Variants in NT5DC1 observed in about 807,000 individuals in gnomAD.
The protein encoded by NT5DC1 is 5'-nucleotidase domain-containing protein 1.
NT5DC1 carries 42 observed loss-of-function variants against 59.4 expected under a neutral mutation model. That is an observed-to-expected ratio of 0.71 (90% confidence interval 0.55 to 0.92). The LOEUF (loss-of-function observed/expected upper bound fraction) is 0.92, where lower values mean the gene tolerates loss of function less well. NT5DC1 is among the 40% of genes least tolerant of loss of function. The pLI, the probability that NT5DC1 is intolerant of heterozygous loss-of-function variation, is 0.00. For synonymous variants in NT5DC1, 172 were observed against 188.1 expected (o/e 0.91, Z 0.70); for missense variants, 501 against 537.1 (o/e 0.93, Z 0.66).
intron 3 of NT5DC1, among the ~76,000 whole-genome samples, chr6:116,110,549 A>G (rs1778853916): frequency 6.6e-6 from 1 of 152,122 alleles, no homozygotes; most frequent in Non-Finnish European, 1.5e-5. Flanking sequence ...AGGTATGTTC[A>G]TCTTATTTGT....
intron 6 of NT5DC1, among the ~76,000 whole-genome samples, chr6:116,183,129 G>A (rs893808305): frequency 6.6e-6 from 1 of 152,050 alleles, no homozygotes; most frequent in Non-Finnish European, 1.5e-5. Flanking sequence ...GTTGAATAGG[G>A]TATCCTTTCT....
chr6:116,106,034 G>A (rs1459179929), intron 1 of NT5DC1, among the ~76,000 whole-genome samples: 4 of 152,208 alleles, frequency 2.6e-5, no homozygotes, highest in African/African-American at 7.2e-5. Context: ...TATGCTGACG[G>A]TATAATTTTG....
At chr6:116,234,027 A>C (rs936988776) in intron 8 of NT5DC1, among the ~76,000 whole-genome samples, 1 of 125,956 alleles carries the variant, frequency 7.9e-6, no homozygotes, top group Non-Finnish European at 1.6e-5. Flanking sequence ...ATCCAGGCTG[A>C]AGTCCAGTCT....
chr6:116,153,323 A>G (rs75136961), intron 6 of NT5DC1, among the ~76,000 whole-genome samples: 3,963 of 133,490 alleles, frequency 0.03, 157 homozygotes, highest in African/African-American at 0.11. Flanking sequence ...GACTGCCCAT[A>G]AACATCAGCT....
At position 116,132,825 on chromosome 6, in the gene NT5DC1, C is replaced by T. The variant is rs79887775; in HGVS notation, c.529+14880C>T. Among the ~76,000 whole-genome samples the T allele has an allele frequency of 5.5e-3, 830 of 152,162 alleles. 10 individuals carry two copies. The highest frequency in any genetic ancestry group is 0.017 in the African/African-American group (700 of 41,512). On this transcript the variant is annotated intron_variant, in intron 6 of 11. Coordinates refer to ENST00000319550, the MANE Select transcript of NT5DC1 (RefSeq NM_152729.3). ...AGTGCCGAGAAGTTTAGTCAGGGCA[C>T]CTTCCACCACCACCTTGCTGTACCT...
intron 6 of NT5DC1, among the ~76,000 whole-genome samples, chr6:116,166,021 G>T (rs1444709126): frequency 2.0e-5 from 3 of 152,072 alleles, no homozygotes; most frequent in Admixed American, 6.6e-5. Flanking sequence ...TCCTAAATCC[G>T]CACTGACAGC....
At chr6:116,149,999 C>G (rs1779997190) in intron 6 of NT5DC1, among the ~76,000 whole-genome samples, 1 of 152,194 alleles carries the variant, frequency 6.6e-6, no homozygotes, top group Admixed American at 6.5e-5. Flanking sequence ...CCTTTGACAT[C>G]TGCCCCCCAA....
intron 6 of NT5DC1, chr6:116,125,715 T>G: frequency 2.5e-6 from 1 of 398,726 alleles, no homozygotes; most frequent in Non-Finnish European, 4.5e-6. Context: ...ACTCAGGTAA[T>G]CAAGTGAAAA....
At position 116,109,638 on chromosome 6, in the gene NT5DC1, C is replaced by T. The variant is rs1029513660; in HGVS notation, c.257+1203C>T. Among the ~76,000 whole-genome samples the T allele has an allele frequency of 2.6e-5, 4 of 152,278 alleles. No individual in the cohort carries two copies. The South Asian group carries it at 8.3e-4, about 32-fold the overall frequency. ...TACCTCCTTGATGCTTTCTTTCAAC[C>T]AGTGTAGTAGATTCCTTTTCTGATC... On this transcript the variant is annotated intron_variant, in intron 3 of 11. Coordinates refer to ENST00000319550, the MANE Select transcript of NT5DC1 (RefSeq NM_152729.3).
At chr6:116,149,056 A>G (rs534371577) in intron 6 of NT5DC1, among the ~76,000 whole-genome samples, 2 of 152,168 alleles carry the variant, frequency 1.3e-5, no homozygotes, top group East Asian at 3.9e-4. Flanking sequence ...TGTTTTTTAA[A>G]TTTTCTTTCT....
chr6:116,101,256 G>T (rs1463146171), intron 1 of NT5DC1, among the ~76,000 whole-genome samples: 1 of 152,164 alleles, frequency 6.6e-6, no homozygotes, highest in African/African-American at 2.4e-5. Flanking sequence ...TGTTGAGAGG[G>T]ATAGGGAAGA....
At chr6:116,201,405 T>G (rs879441612) in intron 6 of NT5DC1, among the ~76,000 whole-genome samples, 2 of 151,964 alleles carry the variant, frequency 1.3e-5, no homozygotes, top group Admixed American at 1.3e-4. Flanking sequence ...GAAATTGAAT[T>G]TAGAATCACT....
At chr6:116,148,605 AT>A (rs1779955204) in intron 6 of NT5DC1, among the ~76,000 whole-genome samples, 2 of 152,128 alleles carry the variant, frequency 1.3e-5, no homozygotes, top group South Asian at 4.1e-4. Flanking sequence ...TATTATATGT[AT>A]TTTTTTAGAA....
intron 6 of NT5DC1, among the ~76,000 whole-genome samples, chr6:116,129,865 G>T (rs1253972434): frequency 6.6e-6 from 1 of 152,114 alleles, no homozygotes; most frequent in African/African-American, 2.4e-5. Context: ...CTACTGTGGA[G>T]ATTGGTAGTT....
chr6:116,240,820 A>C (rs1200128364), intron 11 of NT5DC1, among the ~76,000 whole-genome samples: 1 of 152,220 alleles, frequency 6.6e-6, no homozygotes, highest in Non-Finnish European at 1.5e-5. Flanking sequence ...TGATGGAATT[A>C]TATACCCAGT....
At chr6:116,206,028 T>C (rs535766079) in intron 6 of NT5DC1, among the ~76,000 whole-genome samples, 17 of 152,116 alleles carry the variant, frequency 1.1e-4, no homozygotes, top group Non-Finnish European at 2.4e-4. Context: ...TCTAGCCCAG[T>C]GTTTTTTCCT....
At chr6:116,198,136 T>C (rs1350966273) in intron 6 of NT5DC1, among the ~76,000 whole-genome samples, 1 of 152,046 alleles carries the variant, frequency 6.6e-6, no homozygotes, top group Admixed American at 6.6e-5. Context: ...GGTCACCACA[T>C]CAACAAATAG....
chr6:116,196,534 A>T (rs1201860265), intron 6 of NT5DC1, among the ~76,000 whole-genome samples: 1 of 152,236 alleles, frequency 6.6e-6, no homozygotes, highest in African/African-American at 2.4e-5. Context: ...CAAAGAAATT[A>T]TATCAATTAG....
chr6:116,110,185 A>G (rs933731125), intron 3 of NT5DC1, among the ~76,000 whole-genome samples: 2 of 152,362 alleles, frequency 1.3e-5, no homozygotes, highest in Non-Finnish European at 2.9e-5. Flanking sequence ...AAAACTGGAT[A>G]AGGGGGAACT....
Sources: allele counts gnomAD v4.1 joint callset (sites outside exome capture counted in the v4.1 genomes callset), GRCh38; gene constraint gnomAD v4.1.1; transcripts MANE v1.5; gene names NCBI Gene and HGNC (gene_info 2026-07-23, HGNC 2026-07-21).